The following SGSM1 variants were observed in gnomAD, a reference collection of about 807,000 sequenced individuals.
The protein encoded by SGSM1 is small G protein signaling modulator 1.
SGSM1 carries 73 observed loss-of-function variants against 133.8 expected under a neutral mutation model. The observed-to-expected ratio is 0.55, with a 90% CI of 0.45 to 0.66. SGSM1 has a LOEUF of 0.66. Ranked by LOEUF, SGSM1 falls within the 30% of genes least tolerant of loss-of-function variation. SGSM1 has a pLI of 0.00. For synonymous variants in SGSM1, 563 were observed against 573.0 expected (o/e 0.98, Z 0.25); for missense variants, 1,213 against 1,448.1 (o/e 0.84, Z 2.64).
intron 2 of SGSM1, among the ~76,000 whole-genome samples, chr22:24,837,971 G>A (rs570298018): frequency 2.6e-5 from 4 of 152,238 alleles, no homozygotes; most frequent in South Asian, 2.1e-4. Context: ...GGAACAGCTC[G>A]TGTCCTCTGT....
chr22:24,877,802 C>CTCT (rs1932099732), intron 13 of SGSM1, among the ~76,000 whole-genome samples: 3 of 75,418 alleles, frequency 4.0e-5, no homozygotes, highest in Admixed American at 1.9e-4. Context: ...TTCTTTCTTT[C>CTCT]TTTTTTTTTT....
At chr22:24,848,277 G>A (rs769163912) in intron 4 of SGSM1, among the ~76,000 whole-genome samples, 18 of 151,974 alleles carry the variant, frequency 1.2e-4, no homozygotes, top group Non-Finnish European at 2.2e-4. Flanking sequence ...TGTTGAGTGA[G>A]TGCCTGCTAG....
At chr22:24,847,079 C>G (rs1015468669) in intron 3 of SGSM1, among the ~76,000 whole-genome samples, 1 of 152,030 alleles carries the variant, frequency 6.6e-6, no homozygotes, top group Non-Finnish European at 1.5e-5. Context: ...TGACCTCGCT[C>G]TCCAGCACCC....
chr22:24,909,829 A>G (rs1343450022), intron 21 of SGSM1, among the ~76,000 whole-genome samples: 1 of 152,180 alleles, frequency 6.6e-6, no homozygotes, highest in Admixed American at 6.6e-5. Flanking sequence ...CGACCCAGCA[A>G]TTTCATCCGT....
At chr22:24,917,292 A>G (rs534393891) in intron 22 of SGSM1, among the ~76,000 whole-genome samples, 153 of 152,230 alleles carry the variant, frequency 1.0e-3, no homozygotes, top group African/African-American at 3.6e-3. Context: ...CACAGCACAC[A>G]CCATTTTACA....
intron 24 of SGSM1, among the ~76,000 whole-genome samples, chr22:24,923,839 C>T (rs1934097110): frequency 6.6e-6 from 1 of 152,144 alleles, no homozygotes; most frequent in Admixed American, 6.5e-5. Context: ...TCAGGCTGGT[C>T]TCAAACTCCC....
chr22:24,816,225 A>G (rs559944235), intron 2 of SGSM1, among the ~76,000 whole-genome samples: 1 of 152,242 alleles, frequency 6.6e-6, no homozygotes, highest in South Asian at 2.1e-4. Flanking sequence ...TGACAAGGAA[A>G]TTCATGCTCA....
At chr22:24,810,025 CTG>C (rs1473488898) in intron 2 of SGSM1, among the ~76,000 whole-genome samples, 68 of 152,042 alleles carry the variant, frequency 4.5e-4, no homozygotes, top group Admixed American at 2.0e-3. Context: ...GGAGGGAACA[CTG>C]TGAATTTGAA....
intron 12 of SGSM1, 50 bp from the exon 13 acceptor site, chr22:24,876,527 C>T (rs1413420728): frequency 1.2e-6 from 2 of 1,608,894 alleles, no homozygotes; most frequent in South Asian, 1.1e-5. Context: ...CTGTGACCCA[C>T]ATAGGTTTAA....
At chr22:24,828,441 G>A (rs193015241) in intron 2 of SGSM1, among the ~76,000 whole-genome samples, 92 of 149,496 alleles carry the variant, frequency 6.2e-4, no homozygotes, top group Admixed American at 2.3e-3. Flanking sequence ...TCATTAAAAA[G>A]GGGGCAAATG....
At position 24,854,947 on chromosome 22, in the gene SGSM1, G is replaced by A. The variant is rs755935002; in HGVS notation, c.456-49G>A. 3.8e-5 allele frequency: 56 copies of A among 1,485,604 alleles called. No homozygotes were observed. In the Admixed American group the frequency reaches 5.6e-4, roughly 15 times the overall value. 92.0% of individuals were successfully genotyped at this position (1,485,604 alleles called of 1,614,324 possible). On this transcript the variant is annotated intron_variant, in intron 5 of 24. Transcript: ENST00000400358. The stretch of plus-strand genomic sequence containing the variant: ...TTGAACTCTCATCTGTGGATTGTGC[G>A]TCCTCTGCTGGTCTCCATCCAAACC...
chr22:24,851,025 C>T (rs1930425107), intron 5 of SGSM1, among the ~76,000 whole-genome samples: 1 of 148,794 alleles, frequency 6.7e-6, no homozygotes, highest in Non-Finnish European at 1.5e-5. Flanking sequence ...GGTGTGAACC[C>T]GGGAGGTAGA....
At chr22:24,814,666 G>A (rs982124510) in intron 2 of SGSM1, among the ~76,000 whole-genome samples, 1 of 152,188 alleles carries the variant, frequency 6.6e-6, no homozygotes, top group Non-Finnish European at 1.5e-5. Context: ...GGAGTAAGAT[G>A]GACTCAGTCC....
chr22:24,924,288 C>G lies in SGSM1; in HGVS notation c.*14C>G. Reference sequence around the variant, plus strand: ...GAGAACAAGTGAGGGGCACCTCACCCCGGCAGCCTCAGCCAAGCTGCCCCT... The same window carrying G: ...GAGAACAAGTGAGGGGCACCTCACCGCGGCAGCCTCAGCCAAGCTGCCCCT... On this transcript the variant is annotated 3_prime_UTR_variant, in exon 25 of 25. Coordinates refer to ENST00000400358, the MANE Select transcript of SGSM1 (RefSeq NM_001098497.3). The G allele has an allele frequency of 6.8e-6, 11 of 1,609,730 alleles. No individual in the cohort carries two copies. Among genetic ancestry groups the G allele is most frequent in the Non-Finnish European group, 9.3e-6 (11 of 1,176,586 alleles).
chr22:24,918,418 C>T lies in SGSM1; in HGVS notation c.3025+664C>T, dbSNP rs182977943. ...GGCTGAGGCAGGAGAATCGCTTGAT[C>T]CTGGGAGGCGGAGGTTGCAGTGAGC... On this transcript the variant is annotated intron_variant, in intron 23 of 24. Coordinates refer to ENST00000400358, the MANE Select transcript of SGSM1 (RefSeq NM_001098497.3). Among the ~76,000 whole-genome samples, 382 of 151,396 alleles carry T rather than the reference C, an allele frequency of 2.5e-3. 3 individuals carry two copies. Among genetic ancestry groups the T allele is most frequent in the African/African-American group, 7.9e-3 (326 of 41,274 alleles).
chr22:24,885,820 G>A (rs527975570), intron 15 of SGSM1, among the ~76,000 whole-genome samples: 3 of 152,242 alleles, frequency 2.0e-5, no homozygotes, highest in East Asian at 3.9e-4. Flanking sequence ...CCATTGATGC[G>A]CAGTTGGAGA....
At chr22:24,908,340 A>T (rs922553335) in intron 21 of SGSM1, among the ~76,000 whole-genome samples, 2 of 152,148 alleles carry the variant, frequency 1.3e-5, no homozygotes, top group Admixed American at 6.6e-5. Flanking sequence ...ATAAAGAAAG[A>T]AAAAATAGGC....
At chr22:24,910,546 CT>C (rs1831446977) in intron 21 of SGSM1, among the ~76,000 whole-genome samples, 1 of 152,128 alleles carries the variant, frequency 6.6e-6, no homozygotes, top group African/African-American at 2.4e-5. Flanking sequence ...ACTCAGGAGG[CT>C]AAGACAAGAG....
At chr22:24,922,630 C>T (rs1020313071) in intron 24 of SGSM1, among the ~76,000 whole-genome samples, 5 of 151,182 alleles carry the variant, frequency 3.3e-5, no homozygotes, top group African/African-American at 1.2e-4. Flanking sequence ...CATCCACCAC[C>T]ACACCCAGCT....
Sources: allele counts gnomAD v4.1 joint callset (sites outside exome capture counted in the v4.1 genomes callset), GRCh38; gene constraint gnomAD v4.1.1; transcripts MANE v1.5; gene names NCBI Gene and HGNC (gene_info 2026-07-23, HGNC 2026-07-21).